The following CCDC91 variants were observed in gnomAD, a reference collection of about 807,000 sequenced individuals.
CCDC91 encodes the protein coiled-coil domain containing 91.
Under a neutral mutation model 63.2 loss-of-function variants are expected in CCDC91, and 48 were observed. The observed-to-expected ratio is 0.76, with a 90% confidence interval of 0.60 to 0.97. The LOEUF (loss-of-function observed/expected upper bound fraction) is 0.97. CCDC91 is among the 50% of genes least tolerant of loss of function. The pLI is 0.00. For missense variants in CCDC91, 500 were observed against 494.6 expected, an observed-to-expected ratio of 1.01 and a Z score of -0.10; for synonymous variants, 167 against 165.8, an observed-to-expected ratio of 1.01 and a Z score of -0.06.
Position 28,276,833 on chromosome 12 carries a change from A to G in CCDC91, c.109+17391A>G, listed in dbSNP as rs564222307. 1.3e-4 allele frequency among the ~76,000 whole-genome samples: 20 copies of G among 152,146 alleles called. No individual in the cohort carries two copies. In the South Asian group the frequency reaches 4.1e-3, roughly 32 times the overall value. On this transcript the variant is annotated intron_variant, in intron 3 of 12. Coordinates refer to ENST00000536442, the MANE Select transcript of CCDC91 (RefSeq NM_018318.5). ...AATCGAATGTTACAGAATCTGTGCT[A>G]TAATCCCTGTGTTCATCTGTTGAAA...
At chr12:28,325,578 AGGAGGGGTG>A (rs1254549905) in intron 6 of CCDC91, among the ~76,000 whole-genome samples, 6 of 151,502 alleles carry the variant, frequency 4.0e-5, no homozygotes, top group African/African-American at 1.5e-4. Flanking sequence ...ATTGGAGTAG[AGGAGGGGTG>A]GGTTATAATT....
chr12:28,527,712 A>G (rs1337563584), intron 12 of CCDC91, among the ~76,000 whole-genome samples: 3 of 152,184 alleles, frequency 2.0e-5, no homozygotes, highest in African/African-American at 7.2e-5. Context: ...GGAAAGGACC[A>G]TTAGATGGTG....
intron 6 of CCDC91, among the ~76,000 whole-genome samples, chr12:28,346,657 G>A (rs1225664163): frequency 6.6e-6 from 1 of 152,090 alleles, no homozygotes. Context: ...AGATACATAG[G>A]GCAAGGTATG....
intron 7 of CCDC91, among the ~76,000 whole-genome samples, chr12:28,382,751 A>G (rs1470457946): frequency 6.6e-6 from 1 of 152,140 alleles, no homozygotes; most frequent in Non-Finnish European, 1.5e-5. Context: ...TCTTCCCATG[A>G]TCAGTGATTT....
intron 8 of CCDC91, among the ~76,000 whole-genome samples, chr12:28,405,044 G>A (rs967731745): frequency 1.3e-5 from 2 of 151,502 alleles, no homozygotes; most frequent in African/African-American, 2.4e-5. Context: ...CACCATATTT[G>A]TTATTCTTTT....
chr12:28,362,323 T>C (rs548361588), intron 6 of CCDC91, 115 bp from the exon 7 acceptor site: 3 of 589,822 alleles, frequency 5.1e-6, no homozygotes, highest in African/African-American at 1.9e-5. Context: ...AGCTGTAGCA[T>C]TGATGTGCCA....
intron 6 of CCDC91, among the ~76,000 whole-genome samples, chr12:28,355,612 A>G (rs1592406148): frequency 6.6e-6 from 1 of 152,154 alleles, no homozygotes; most frequent in Non-Finnish European, 1.5e-5. Context: ...TGCCTTAGAC[A>G]TGGATATAAA....
chr12:28,214,281 T>C (rs1463493639), intron 1 of CCDC91, among the ~76,000 whole-genome samples: 2 of 152,014 alleles, frequency 1.3e-5, no homozygotes, highest in African/African-American at 4.8e-5. Flanking sequence ...AGAAATTAGA[T>C]TGCTGTTCTA....
intron 12 of CCDC91, among the ~76,000 whole-genome samples, chr12:28,501,775 G>A (rs1184783882): frequency 6.6e-6 from 1 of 151,842 alleles, no homozygotes; most frequent in Non-Finnish European, 1.5e-5. Context: ...AGTTTCAGAA[G>A]GAATGGTACC....
chr12:28,294,785 A>T (rs894941298), intron 3 of CCDC91, among the ~76,000 whole-genome samples: 4 of 151,952 alleles, frequency 2.6e-5, no homozygotes, highest in Non-Finnish European at 4.4e-5. Context: ...GGGTTTTGCC[A>T]TGTTGGCCAG....
At chr12:28,361,629 C>G (rs1438843880) in intron 6 of CCDC91, among the ~76,000 whole-genome samples, 1 of 151,742 alleles carries the variant, frequency 6.6e-6, no homozygotes, top group Admixed American at 6.6e-5. Flanking sequence ...TCTCTTTCAT[C>G]TGATTATGTC....
chr12:28,208,743 G>A (rs1174568564), intron 1 of CCDC91, among the ~76,000 whole-genome samples: 1 of 151,800 alleles, frequency 6.6e-6, no homozygotes, highest in Non-Finnish European at 1.5e-5. Flanking sequence ...TTTGTCTCTT[G>A]TCTTTCCCTT....
rs572178382 is a variant in CCDC91 at position 28,234,274 on chromosome 12, T to G, written c.-14-22928T>G. On this transcript the variant is annotated intron_variant, in intron 1 of 12. Transcript: ENST00000536442. ...GAACACAGGTCTCCTTATTGGAATT[T>G]ATTGTAAATTTTTCTTAAATCACAC... is the stretch of plus-strand genomic sequence containing the variant. Among the ~76,000 whole-genome samples, 9 of 152,296 alleles carry G rather than the reference T, an allele frequency of 5.9e-5. No individual in the cohort carries two copies. In the East Asian group the frequency reaches 1.7e-3, roughly 29 times the overall value.
intron 1 of CCDC91, among the ~76,000 whole-genome samples, chr12:28,248,469 G>A (rs1945909627): frequency 1.3e-5 from 2 of 152,124 alleles, no homozygotes; most frequent in Admixed American, 1.3e-4. Context: ...GCCCTTTGGA[G>A]CACCAAAATT....
At chr12:28,344,445 G>T (rs1273143940) in intron 6 of CCDC91, among the ~76,000 whole-genome samples, 1 of 151,972 alleles carries the variant, frequency 6.6e-6, no homozygotes, top group Admixed American at 6.6e-5. Context: ...CCATTTCTAT[G>T]AATATTTTAC....
chr12:28,201,096 C>A lies in CCDC91; in HGVS notation c.-15+10455C>A, dbSNP rs1228165456. 2.7e-5 allele frequency among the ~76,000 whole-genome samples: 4 copies of A among 150,670 alleles called. No individual in the cohort carries two copies. In the South Asian group the frequency reaches 8.4e-4, roughly 32 times the overall value. ...GGCGGCAGGGCAGAGGCGCCCCTCA[C>A]CTCCCGGACGGGGCGGCTGGCCGGG... On this transcript the variant is annotated intron_variant, in intron 1 of 12. Coordinates refer to ENST00000536442, the MANE Select transcript of CCDC91 (RefSeq NM_018318.5).
chr12:28,259,824 G>T (rs1423953091), intron 3 of CCDC91, among the ~76,000 whole-genome samples: 2 of 151,586 alleles, frequency 1.3e-5, no homozygotes, highest in African/African-American at 4.8e-5. Flanking sequence ...AAATTTAGAA[G>T]TGTGTTTGCA....
At chr12:28,196,725 TAAAG>T (rs1390296652) in intron 1 of CCDC91, among the ~76,000 whole-genome samples, 4 of 152,196 alleles carry the variant, frequency 2.6e-5, no homozygotes, top group African/African-American at 9.6e-5. Flanking sequence ...AAGTTGGAAA[TAAAG>T]GAAGACTATA....
chr12:28,257,336 T>G, intron 2 of CCDC91, 91 bp downstream of exon 2: 2 of 738,480 alleles, frequency 2.7e-6, no homozygotes, highest in East Asian at 2.7e-5. Context: ...TTCATTGGCA[T>G]TCATGATATT....
Sources: gnomAD v4.1 joint callset for allele counts (sites outside exome capture counted in the v4.1 genomes callset) on GRCh38, gnomAD v4.1.1 for gene constraint, MANE v1.5 for transcripts, NCBI Gene and HGNC (gene_info 2026-07-23, HGNC 2026-07-21) for gene names.